ARHGAP10: variants seen among roughly 807,000 people sequenced by gnomAD.
The protein encoded by ARHGAP10 is Rho GTPase activating protein 10, also known as rho GTPase-activating protein 10.
ARHGAP10 carries 87 observed loss-of-function variants against 108.6 expected under a neutral mutation model. That is an observed-to-expected ratio of 0.80 (90% CI 0.67 to 0.96). ARHGAP10 has a LOEUF of 0.96. ARHGAP10 is among the 40% of genes least tolerant of loss of function. ARHGAP10 has a pLI of 0.00. For synonymous variants in ARHGAP10, 347 were observed against 341.1 expected, an observed-to-expected ratio of 1.02 and a Z score of -0.19; for missense variants, 939 against 954.5, an observed-to-expected ratio of 0.98 and a Z score of 0.21.
chr4:147,893,354 G>T lies in ARHGAP10; in HGVS notation c.1034+11422G>T, dbSNP rs573671106. ...ATTACAGACGTGAGCCACTGCTCCC[G>T]GCAGGAAGTAAACTTTTTAAATGTA... On this transcript the variant is annotated intron_variant, in intron 10 of 22. Coordinates refer to ENST00000336498, the MANE Select transcript of ARHGAP10 (RefSeq NM_024605.4). 1.2e-4 allele frequency among the ~76,000 whole-genome samples: 18 copies of T among 151,206 alleles called. 1 individual carries two copies. Among genetic ancestry groups the T allele is most frequent in the African/African-American group, 4.4e-4 (18 of 41,292 alleles).
chr4:148,065,195 A>C (rs1729808372), intron 22 of ARHGAP10: 1 of 152,186 alleles, frequency 6.6e-6, no homozygotes. Flanking sequence ...GTTGCTGTGG[A>C]AACCGTGATG....
chr4:147,976,908 A>G (rs1739616883), intron 18 of ARHGAP10, among the ~76,000 whole-genome samples: 1 of 152,346 alleles, frequency 6.6e-6, no homozygotes, highest in East Asian at 1.9e-4. Context: ...TGTCTGAGAA[A>G]GCATACTGAG....
chr4:148,058,114 A>G (rs938725547), intron 20 of ARHGAP10, among the ~76,000 whole-genome samples: 78 of 152,180 alleles, frequency 5.1e-4, no homozygotes, highest in African/African-American at 1.8e-3. Flanking sequence ...TTTTCCCATA[A>G]TATACAGATC....
chr4:147,925,880 A>T (rs1737442736), intron 13 of ARHGAP10, among the ~76,000 whole-genome samples: 1 of 152,202 alleles, frequency 6.6e-6, no homozygotes, highest in African/African-American at 2.4e-5. Context: ...TGGATGATAC[A>T]GTTGGTTGTG....
intron 13 of ARHGAP10, among the ~76,000 whole-genome samples, chr4:147,926,053 T>G (rs1737448803): frequency 6.6e-6 from 1 of 152,160 alleles, no homozygotes. Flanking sequence ...GCTTCCACCA[T>G]GCTGGGGTGG....
chr4:148,033,980 C>T (rs903940776), intron 19 of ARHGAP10, among the ~76,000 whole-genome samples: 1 of 152,110 alleles, frequency 6.6e-6, no homozygotes, highest in Admixed American at 6.5e-5. Flanking sequence ...TTGCTTGTAA[C>T]GGTTAAGTTT....
chr4:147,986,463 G>T (rs995493401), intron 18 of ARHGAP10, among the ~76,000 whole-genome samples: 24 of 152,102 alleles, frequency 1.6e-4, no homozygotes, highest in Non-Finnish European at 7.4e-5. Context: ...TTTGCTTTTC[G>T]AGAAAATCAA....
intron 10 of ARHGAP10, among the ~76,000 whole-genome samples, chr4:147,887,489 T>C (rs985213126): frequency 4.6e-5 from 7 of 152,142 alleles, no homozygotes; most frequent in Non-Finnish European, 8.8e-5. Context: ...GAAACCACCC[T>C]TCCCTTTCAT....
intron 4 of ARHGAP10, among the ~76,000 whole-genome samples, chr4:147,847,884 A>G (rs960325030): frequency 6.6e-6 from 1 of 152,206 alleles, no homozygotes; most frequent in African/African-American, 2.4e-5. Flanking sequence ...AAAATGTGCA[A>G]TCTGAGCTTT....
intron 1 of ARHGAP10, among the ~76,000 whole-genome samples, chr4:147,750,915 A>G (rs1729116450): frequency 1.3e-5 from 2 of 151,824 alleles, no homozygotes; most frequent in African/African-American, 2.4e-5. Flanking sequence ...AAATATCTTC[A>G]ATTTAAAACA....
At chr4:147,927,093 C>T (rs1434248335) in intron 13 of ARHGAP10, among the ~76,000 whole-genome samples, 1 of 152,090 alleles carries the variant, frequency 6.6e-6, no homozygotes, top group Non-Finnish European at 1.5e-5. Flanking sequence ...CTCTTAACCA[C>T]AGTGAGCATG....
At chr4:147,867,564 A>C (rs1191141700) in intron 7 of ARHGAP10, among the ~76,000 whole-genome samples, 1 of 152,066 alleles carries the variant, frequency 6.6e-6, no homozygotes, top group Non-Finnish European at 1.5e-5. Flanking sequence ...CATTTCTTTC[A>C]CAATTAGAAG....
chr4:148,045,737 T>TAAAAAAAAAAA (rs1363704100), intron 19 of ARHGAP10, among the ~76,000 whole-genome samples: 1 of 33,736 alleles, frequency 3.0e-5, no homozygotes, highest in East Asian at 9.1e-4. Context: ...AAACTCCATC[T>TAAAAAAAAAAA]CAAAAAAAAA....
chr4:147,942,386 CAAAGT>C (rs1738193905), intron 14 of ARHGAP10, among the ~76,000 whole-genome samples: 1 of 152,160 alleles, frequency 6.6e-6, no homozygotes, highest in African/African-American at 2.4e-5. Flanking sequence ...CATTTTTACA[CAAAGT>C]ACTTTGTATT....
In ARHGAP10 at chr4:147,991,752, G is replaced by T. The variant is rs78309357; in HGVS notation, c.1716+24913G>T. Among the ~76,000 whole-genome samples the T allele has an allele frequency of 8.3e-3, 1,271 of 152,312 alleles. 14 individuals are homozygous for T. Among genetic ancestry groups the T allele is most frequent in the African/African-American group, 0.022 (930 of 41,570 alleles). On this transcript the variant is annotated intron_variant, in intron 18 of 22. Coordinates refer to ENST00000336498, the MANE Select transcript of ARHGAP10 (RefSeq NM_024605.4). ...CAGATGCCAAAACAGGTCCAAGTTT[G>T]CAGGCAGGCCTTTCTAAGGATAGTA...
At chr4:147,887,791 G>A (rs919460469) in intron 10 of ARHGAP10, among the ~76,000 whole-genome samples, 2 of 151,978 alleles carry the variant, frequency 1.3e-5, no homozygotes, top group Admixed American at 1.3e-4. Context: ...GAACCTGGGA[G>A]GCGGAGGTTG....
chr4:148,026,069 G>T (rs1318714173), intron 19 of ARHGAP10, among the ~76,000 whole-genome samples: 2 of 152,154 alleles, frequency 1.3e-5, no homozygotes, highest in African/African-American at 4.8e-5. Flanking sequence ...TAGACTATCT[G>T]CCAAGATTTG....
chr4:148,063,021 C>A, intron 20 of ARHGAP10, 127 bp from the exon 21 acceptor site: 1 of 1,192,920 alleles, frequency 8.4e-7, no homozygotes, highest in Non-Finnish European at 1.2e-6. Flanking sequence ...GCAGAGAGGA[C>A]TCTGTCCCTA....
chr4:148,026,106 G>A (rs1398508286), intron 19 of ARHGAP10, among the ~76,000 whole-genome samples: 1 of 152,192 alleles, frequency 6.6e-6, no homozygotes, highest in African/African-American at 2.4e-5. Context: ...GACTGGAGAT[G>A]TTCTTCAGGC....
Sources: gnomAD v4.1 joint callset for allele counts (sites outside exome capture counted in the v4.1 genomes callset) on GRCh38, gnomAD v4.1.1 for gene constraint, MANE v1.5 for transcripts, NCBI Gene and HGNC (gene_info 2026-07-23, HGNC 2026-07-21) for gene names.